The following HRH1 variants were observed in gnomAD, a reference collection of about 807,000 sequenced individuals.
HRH1 encodes histamine H1 receptor.
Under a neutral mutation model 10.3 loss-of-function variants are expected in HRH1, and 6 were observed. That is an observed-to-expected ratio of 0.58 (90% confidence interval 0.32 to 1.15). The LOEUF (loss-of-function observed/expected upper bound fraction) is 1.15, where lower values mean the gene tolerates loss of function less well. Ranked by LOEUF, HRH1 falls within the 50% of genes most tolerant of loss-of-function variation. The probability of loss-of-function intolerance (pLI) is 0.05; values close to 1 mark genes in which losing one functional copy is unlikely to be tolerated. For missense variants in HRH1, 514 were observed against 615.3 expected, an observed-to-expected ratio of 0.84 and a Z score of 1.74; for synonymous variants, 242 against 236.7, an observed-to-expected ratio of 1.02 and a Z score of -0.21.
At chr3:11,199,643 C>G (rs750936630) in intron 1 of HRH1, among the ~76,000 whole-genome samples, 3 of 152,230 alleles carry the variant, frequency 2.0e-5, no homozygotes, top group African/African-American at 7.2e-5. Context: ...CTGTGCCTCT[C>G]TGGCCCCTCC....
In HRH1 at chr3:11,255,979, G is replaced by C. The variant is rs572768659; in HGVS notation, c.-35-3024G>C. Among the ~76,000 whole-genome samples, 4 of 152,324 alleles carry C rather than the reference G, an allele frequency of 2.6e-5. No homozygotes were observed. The Middle Eastern group carries it at 0.01, about 389-fold the overall frequency. ...GACTGTGGACAATTCCACAGGGTTT[G>C]GACTTGATCAGGGCAGAAGGTGAAG... On this transcript the variant is annotated intron_variant, in intron 1 of 1. Transcript: ENST00000431010.
rs201661278 is a variant in HRH1, at chr3:11,259,464, C to G, written c.427C>G (p.Arg143Gly). ...LRYLKYRTKTRASATILGAWF... is the reference protein window; with the variant it reads ...LRYLKYRTKTGASATILGAWF... ...GTACCTTAAGTATCGTACCAAGACC[C>G]GAGCCTCGGCCACCATTCTGGGGGC... The change falls in exon 2 of 2, where the codon CGA becomes GGA. Residue 143 changes from arginine to glycine, a missense_variant. Transcript: ENST00000431010. This position sits in a 1 kb window ranked among gnomAD's most constrained non-coding sequence, Gnocchi z 4.6. The G allele has an allele frequency of 2.5e-6, 4 of 1,613,970 alleles. No homozygotes were observed. Among genetic ancestry groups the G allele is most frequent in the Non-Finnish European group, 3.4e-6 (4 of 1,179,982 alleles).
intron 1 of HRH1, among the ~76,000 whole-genome samples, chr3:11,189,182 A>T (rs909798018): frequency 6.6e-6 from 1 of 152,196 alleles, no homozygotes; most frequent in East Asian, 1.9e-4. Flanking sequence ...TCCTGTGTAG[A>T]TGCAACCCCA....
At chr3:11,219,950 GTT>G (rs552227637) in intron 1 of HRH1, among the ~76,000 whole-genome samples, 82 of 110,320 alleles carry the variant, frequency 7.4e-4, no homozygotes, top group East Asian at 2.0e-3. Context: ...TTAATGTGTT[GTT>G]TTTTTTTTTT....
chr3:11,245,935 ACACT>A (rs1939467982), intron 1 of HRH1, among the ~76,000 whole-genome samples: 2 of 152,016 alleles, frequency 1.3e-5, no homozygotes, highest in East Asian at 3.9e-4. Context: ...TCACACATAC[ACACT>A]CACACTCACT....
chr3:11,200,611 T>C (rs1937867866), intron 1 of HRH1, among the ~76,000 whole-genome samples: 1 of 152,218 alleles, frequency 6.6e-6, no homozygotes, highest in African/African-American at 2.4e-5. Context: ...GAGCAGGAAC[T>C]ATGTGCTGTT....
At chr3:11,201,086 C>T (rs944327680) in intron 1 of HRH1, among the ~76,000 whole-genome samples, 1 of 152,172 alleles carries the variant, frequency 6.6e-6, no homozygotes, top group Admixed American at 6.5e-5. Flanking sequence ...TCAGTGGATT[C>T]GCTAGAGAAA....
At chr3:11,250,585 G>C (rs945665886) in intron 1 of HRH1, among the ~76,000 whole-genome samples, 2 of 152,166 alleles carry the variant, frequency 1.3e-5, no homozygotes, top group African/African-American at 4.8e-5. Context: ...GGTGGAGTTT[G>C]TGCTAGGAGG....
intron 1 of HRH1, among the ~76,000 whole-genome samples, chr3:11,157,923 G>C (rs548604150): frequency 2.6e-4 from 39 of 152,354 alleles, no homozygotes; most frequent in Middle Eastern, 3.4e-3. Context: ...ATTTGTTGAG[G>C]TGTGATTTCT....
At chr3:11,179,552 G>A (rs1474822249) in intron 1 of HRH1, among the ~76,000 whole-genome samples, 5 of 149,500 alleles carry the variant, frequency 3.3e-5, no homozygotes, top group East Asian at 2.0e-4. Context: ...CTCGGGAGGC[G>A]GAGCTTGCAG....
At chr3:11,240,343 T>C (rs187517111) in intron 1 of HRH1, among the ~76,000 whole-genome samples, 126 of 152,150 alleles carry the variant, frequency 8.3e-4, no homozygotes, top group Admixed American at 3.0e-3. Context: ...ACTAAAATAT[T>C]TCATGTAAAA....
At chr3:11,218,897 T>G (rs1409500060) in intron 1 of HRH1, among the ~76,000 whole-genome samples, 1 of 151,234 alleles carries the variant, frequency 6.6e-6, no homozygotes. Context: ...CTTATTTATT[T>G]ATTTATTTTT....
chr3:11,172,509 A>G lies in HRH1; in HGVS notation c.-36+17955A>G, dbSNP rs760315271. 6.6e-5 allele frequency among the ~76,000 whole-genome samples: 10 copies of G among 152,110 alleles called. No homozygotes were observed. In the South Asian group the frequency reaches 1.2e-3, roughly 19 times the overall value. On this transcript the variant is annotated intron_variant, in intron 1 of 1. Transcript: ENST00000431010. ...TGGAACCCTCTATGGGTCATATATG[A>G]CCGATGAAGTCATCTATTTAGATCT...
chr3:11,232,135 G>T (rs1411507273), intron 1 of HRH1, among the ~76,000 whole-genome samples: 1 of 151,762 alleles, frequency 6.6e-6, no homozygotes, highest in African/African-American at 2.4e-5. Context: ...ATACAGGTGC[G>T]TGCCACCGTG....
chr3:11,192,498 C>T (rs115177426), intron 1 of HRH1, among the ~76,000 whole-genome samples: 3,566 of 152,178 alleles, frequency 0.023, 44 homozygotes, highest in Non-Finnish European at 0.025. Flanking sequence ...CAGGGTGCCC[C>T]ATTTGGGGTG....
intron 1 of HRH1, among the ~76,000 whole-genome samples, chr3:11,241,729 CG>C (rs1466694471): frequency 2.6e-4 from 39 of 151,624 alleles, no homozygotes; most frequent in Admixed American, 2.6e-3. Context: ...CCAGCTACTC[CG>C]GAGGCTGAGC....
At chr3:11,203,117 T>C (rs772874695) in intron 1 of HRH1, among the ~76,000 whole-genome samples, 1 of 152,210 alleles carries the variant, frequency 6.6e-6, no homozygotes, top group Non-Finnish European at 1.5e-5. Flanking sequence ...TAGTATCTCA[T>C]TATCTGGATG....
At chr3:11,185,777 T>G (rs992062077) in intron 1 of HRH1, among the ~76,000 whole-genome samples, 1 of 152,136 alleles carries the variant, frequency 6.6e-6, no homozygotes, top group African/African-American at 2.4e-5. Flanking sequence ...CGGTGTCGTG[T>G]TGGTGCACAT....
intron 1 of HRH1, among the ~76,000 whole-genome samples, chr3:11,224,317 G>A (rs1938808602): frequency 6.6e-6 from 1 of 152,192 alleles, no homozygotes; most frequent in Non-Finnish European, 1.5e-5. Flanking sequence ...TGGAGTCTGG[G>A]TCAGGGAAAG....
Sources: gnomAD v4.1 joint callset for allele counts (sites outside exome capture counted in the v4.1 genomes callset) on GRCh38, gnomAD v4.1.1 for gene constraint, Gnocchi (gnomAD v3.1) non-coding constraint, MANE v1.5 for transcripts, NCBI Gene and HGNC (gene_info 2026-07-23, HGNC 2026-07-21) for gene names.